AK8: variants seen among roughly 807,000 people sequenced by gnomAD.
The protein encoded by AK8 is ATP-AMP transphosphorylase 8.
Under a neutral mutation model 54.6 loss-of-function variants are expected in AK8, and 44 were observed. The ratio of observed to expected loss-of-function variants is 0.81; its 90% confidence interval spans 0.63 to 1.04. The LOEUF is 1.04. Among genes scored for constraint, AK8 ranks in the 50% least tolerant of loss-of-function variants. The pLI, the probability that AK8 is intolerant of heterozygous loss-of-function variation, is 0.00. For missense variants in AK8, 555 were observed against 613.6 expected, an observed-to-expected ratio of 0.90 and a Z score of 1.01; for synonymous variants, 239 against 245.6, an observed-to-expected ratio of 0.97 and a Z score of 0.25.
Position 132,776,374 on chromosome 9 carries a change from G to A in AK8, c.1121+16260C>T, listed in dbSNP as rs564668099. 4.6e-4 allele frequency among the ~76,000 whole-genome samples: 70 copies of A among 152,312 alleles called. 2 individuals carry two copies. The South Asian group carries it at 0.011, about 24-fold the overall frequency. On this transcript the variant is annotated intron_variant, in intron 11 of 12. Coordinates refer to ENST00000298545, the MANE Select transcript of AK8 (RefSeq NM_152572.3). ...ACCCTGCAGGCCTGGGCCAAATTCC[G>A]CCCACAGGGTAGCACTCGCTTTTGC...
chr9:132,826,543 A>G lies in AK8; in HGVS notation c.757+311T>C, dbSNP rs889417434. On this transcript the variant is annotated intron_variant, in intron 8 of 12. Coordinates refer to ENST00000298545, the MANE Select transcript of AK8 (RefSeq NM_152572.3). This position sits in a 1 kb window ranked among gnomAD's most constrained non-coding sequence, Gnocchi z 4.5. ...GGTCAGGCTCAAACTTCTTGCTACCATGTCCCTCCCACCCCATCCCTTGCC... is the reference window on the plus strand; with the variant it reads ...GGTCAGGCTCAAACTTCTTGCTACCGTGTCCCTCCCACCCCATCCCTTGCC... 5.3e-5 allele frequency among the ~76,000 whole-genome samples: 8 copies of G among 152,004 alleles called. No individual in the cohort carries two copies. Among genetic ancestry groups the G allele is most frequent in the African/African-American group, 1.7e-4 (7 of 41,370 alleles).
At chr9:132,772,144 A>G (rs1461684194) in intron 11 of AK8, among the ~76,000 whole-genome samples, 2 of 152,194 alleles carry the variant, frequency 1.3e-5, no homozygotes, top group Admixed American at 6.5e-5. Context: ...CAGCCAAACC[A>G]TATCACCCCA....
At chr9:132,824,205 G>A (rs964152592) in intron 8 of AK8, among the ~76,000 whole-genome samples, 34 of 152,208 alleles carry the variant, frequency 2.2e-4, no homozygotes, top group Middle Eastern at 3.2e-3. Context: ...GCAGCATTTC[G>A]GGCACCTGAG....
At position 132,737,189 on chromosome 9, in the gene AK8, A is replaced by G. The variant is rs144959925; in HGVS notation, c.1122-9655T>C. ...CAAACACAAGTAGTTAGTAGACATT[A>G]CAATGAAGGCAACTGGGGGAGAGAA... On this transcript the variant is annotated intron_variant, in intron 11 of 12. Coordinates refer to ENST00000298545, the MANE Select transcript of AK8 (RefSeq NM_152572.3). Among the ~76,000 whole-genome samples, 699 of 152,316 alleles carry G rather than the reference A, an allele frequency of 4.6e-3. 4 individuals carry two copies. Among genetic ancestry groups the G allele is most frequent in the African/African-American group, 0.016 (656 of 41,568 alleles).
chr9:132,746,552 A>G (rs1400686422), intron 11 of AK8, among the ~76,000 whole-genome samples: 5 of 152,242 alleles, frequency 3.3e-5, no homozygotes, highest in Non-Finnish European at 5.9e-5. Context: ...TAGTTAGCCA[A>G]TACTATTATC....
At chr9:132,739,439 CTCAAAAAAA>C (rs1837264013) in intron 11 of AK8, among the ~76,000 whole-genome samples, 2 of 45,188 alleles carry the variant, frequency 4.4e-5, no homozygotes, top group Non-Finnish European at 3.6e-5. Flanking sequence ...GTGACTCTGT[CTCAAAAAAA>C]AAAAAAAAAA....
intron 2 of AK8, among the ~76,000 whole-genome samples, chr9:132,873,295 A>G (rs912968483): frequency 1.3e-5 from 2 of 152,256 alleles, no homozygotes; most frequent in Admixed American, 1.3e-4. Flanking sequence ...TGACCAGACC[A>G]GAGTTTCACA....
chr9:132,850,878 G>C (rs988587955), intron 5 of AK8, among the ~76,000 whole-genome samples: 1 of 146,456 alleles, frequency 6.8e-6, no homozygotes, highest in Non-Finnish European at 1.5e-5. Flanking sequence ...GAGAAAGAGA[G>C]AGAATCTGTA....
intron 11 of AK8, among the ~76,000 whole-genome samples, chr9:132,757,195 TG>T (rs1183566159): frequency 1.3e-5 from 2 of 152,016 alleles, no homozygotes; most frequent in African/African-American, 2.4e-5. Flanking sequence ...CACGGGGACC[TG>T]GTGATTCCCA....
intron 8 of AK8, among the ~76,000 whole-genome samples, chr9:132,825,189 C>T (rs573041500): frequency 2.0e-5 from 3 of 152,310 alleles, no homozygotes; most frequent in African/African-American, 7.2e-5. Flanking sequence ...AATGATCCCC[C>T]AGACAGTCTC....
intron 4 of AK8, among the ~76,000 whole-genome samples, chr9:132,855,140 C>T (rs537328395): frequency 1.3e-5 from 2 of 152,278 alleles, no homozygotes; most frequent in South Asian, 4.1e-4. Flanking sequence ...CTCACCTTAT[C>T]CTGTGCCCAA....
upstream of AK8, chr9:132,878,728 TTCGAGGA>T (rs1445355945): frequency 6.1e-6 from 6 of 986,692 alleles, no homozygotes; most frequent in Non-Finnish European, 7.2e-6. The surrounding 1 kb of genome is among the most constrained non-coding windows in gnomAD (Gnocchi z 4.7). Flanking sequence ...GGGCCGGAGG[TTCGAGGA>T]TCGGGTGGAA....
At chr9:132,789,620 AAAG>A in intron 11 of AK8, among the ~76,000 whole-genome samples, 1 of 148,828 alleles carries the variant, frequency 6.7e-6, no homozygotes, top group Non-Finnish European at 1.5e-5. Context: ...AAAAAAAAAA[AAAG>A]AAAGAAAGAA....
chr9:132,853,736 T>TGA (rs1422773526), intron 5 of AK8, among the ~76,000 whole-genome samples: 1 of 130,024 alleles, frequency 7.7e-6, no homozygotes, highest in Non-Finnish European at 1.5e-5. Context: ...CAGTGAGCAG[T>TGA]GATCGCCACT....
chr9:132,870,928 C>T (rs116467655), intron 2 of AK8, among the ~76,000 whole-genome samples: 2,830 of 152,320 alleles, frequency 0.019, 98 homozygotes, highest in African/African-American at 0.064. Context: ...TTAGCTGATT[C>T]GAGGCTTCTC....
At chr9:132,845,449 T>C (rs1842710699) in intron 5 of AK8, among the ~76,000 whole-genome samples, 1 of 152,212 alleles carries the variant, frequency 6.6e-6, no homozygotes, top group Admixed American at 6.5e-5. Context: ...AGACCAAGCT[T>C]TTAAATAAGC....
At chr9:132,771,523 T>A (rs1301797484) in intron 11 of AK8, among the ~76,000 whole-genome samples, 1 of 152,232 alleles carries the variant, frequency 6.6e-6, no homozygotes, top group African/African-American at 2.4e-5. Context: ...GGGTCCTTCA[T>A]GGACTGAAAG....
chr9:132,794,748 T>C (rs974098160), intron 10 of AK8, among the ~76,000 whole-genome samples: 2 of 152,244 alleles, frequency 1.3e-5, no homozygotes, highest in Non-Finnish European at 2.9e-5. Context: ...AAAATCAACT[T>C]GACCAGACTT....
chr9:132,827,869 T>TCAGA, intron 7 of AK8, 144 bp downstream of exon 7: 1 of 759,754 alleles, frequency 1.3e-6, no homozygotes, highest in Non-Finnish European at 2.1e-6. Context: ...GTCTTCCAGC[T>TCAGA]CAGAGCCCAG....
Sources: gnomAD v4.1 joint callset for allele counts (sites outside exome capture counted in the v4.1 genomes callset) on GRCh38, gnomAD v4.1.1 for gene constraint, Gnocchi (gnomAD v3.1) non-coding constraint, MANE v1.5 for transcripts, NCBI Gene and HGNC (gene_info 2026-07-23, HGNC 2026-07-21) for gene names.